NCKAP1L: variants seen among roughly 807,000 people sequenced by gnomAD.
NCKAP1L encodes nck-associated protein 1-like.
In NCKAP1L, 53 loss-of-function variants were observed where a neutral mutation model predicts 139.2. The observed-to-expected ratio is 0.38, with a 90% CI of 0.31 to 0.48. NCKAP1L has a LOEUF of 0.48. Ranked by LOEUF, NCKAP1L falls within the 20% of genes least tolerant of loss-of-function variation. The pLI, the probability that NCKAP1L is intolerant of heterozygous loss-of-function variation, is 0.98. For missense variants in NCKAP1L, 1,151 were observed against 1,381.9 expected (o/e 0.83, Z 2.65); for synonymous variants, 468 against 499.7 (o/e 0.94, Z 0.85).
chr12:54,522,125 C>A (rs970037985), intron 18 of NCKAP1L, among the ~76,000 whole-genome samples: 1 of 151,992 alleles, frequency 6.6e-6, no homozygotes, highest in African/African-American at 2.4e-5. Flanking sequence ...TTTTTGGGGA[C>A]CCAGAAGGAA....
intron 3 of NCKAP1L, among the ~76,000 whole-genome samples, chr12:54,501,173 T>A (rs1212850602): frequency 6.6e-6 from 1 of 152,222 alleles, no homozygotes; most frequent in African/African-American, 2.4e-5. Flanking sequence ...TGATTTTGAC[T>A]ATTCTAAGTA....
At chr12:54,511,661 C>T in intron 7 of NCKAP1L, 142 bp from the exon 8 acceptor site, 1 of 774,344 alleles carries the variant, frequency 1.3e-6, no homozygotes, top group Non-Finnish European at 2.1e-6. Flanking sequence ...CCTGCCCCTG[C>T]CTCCTAAAGT....
rs538648953 is a variant in NCKAP1L, at chr12:54,519,104, C to T, written c.1480-83C>T. 7 of 1,568,320 alleles carry T rather than the reference C, an allele frequency of 4.5e-6. No individual in the cohort carries two copies. In the East Asian group the frequency reaches 1.6e-4, roughly 35 times the overall value. On this transcript the variant is annotated intron_variant, in intron 15 of 30. Coordinates refer to ENST00000293373, the MANE Select transcript of NCKAP1L (RefSeq NM_005337.5). ...AAAACTGCTAATTGGACAAGACATA[C>T]TCAGGCCAAACTGTAATTCCAAGGC...
intron 27 of NCKAP1L, 71 bp from the exon 28 acceptor site, chr12:54,536,058 C>T: frequency 9.5e-7 from 1 of 1,052,286 alleles, no homozygotes; most frequent in South Asian, 1.3e-5. Flanking sequence ...TGAAGTAGGA[C>T]CCCTGTAACA....
chr12:54,506,802 T>A (rs1462411829), intron 3 of NCKAP1L, among the ~76,000 whole-genome samples: 40 of 118,320 alleles, frequency 3.4e-4, no homozygotes, highest in East Asian at 1.2e-3. Flanking sequence ...AAAAAATATA[T>A]ATATATATAT....
chr12:54,509,512 G>A (rs1424888889), intron 5 of NCKAP1L, among the ~76,000 whole-genome samples, 157 bp from the exon 6 acceptor site: 3 of 152,172 alleles, frequency 2.0e-5, no homozygotes. Context: ...ATCCTGGAGT[G>A]GGGTATCTTT....
At chr12:54,539,114 T>A in intron 30 of NCKAP1L, 141 bp downstream of exon 30, 1 of 666,902 alleles carries the variant, frequency 1.5e-6, no homozygotes, top group South Asian at 1.8e-5. Flanking sequence ...ACCCTCTGAA[T>A]GTAGTCCTCA....
In NCKAP1L at chr12:54,538,884, G is replaced by T. The variant is rs772212434; in HGVS notation, c.3184G>T (p.Val1062Leu). The T allele has an allele frequency of 4.3e-6, 7 of 1,613,674 alleles. No homozygotes were observed. In the East Asian group the frequency reaches 1.6e-4, roughly 36 times the overall value. ...IETHLKEFLV[V>L]ASVSLLQLGQ... Reference sequence around the variant, plus strand: ...TGCTTTACAAATTCTTCCCTTACAGGTGGCCTCTGTCAGCCTCTTGCAGCT... The same window carrying T: ...TGCTTTACAAATTCTTCCCTTACAGTTGGCCTCTGTCAGCCTCTTGCAGCT... The change falls in exon 30 of 31, where the codon GTG becomes TTG. Residue 1062 changes from valine (V) to leucine (L), a missense_variant and splice_region_variant. By Grantham distance (32) the Val-to-Leu change is conservative. Coordinates refer to ENST00000293373, the MANE Select transcript of NCKAP1L (RefSeq NM_005337.5).
rs17726723 is a variant in NCKAP1L at position 54,537,364 on chromosome 12, G to T, written c.3183+311G>T. ...TGAAGTGCCAAGATTTTGGGGCCAC[G>T]GTATTTTCATATATAAAACAGTGAG... On this transcript the variant is annotated intron_variant, in intron 29 of 30. Coordinates refer to ENST00000293373, the MANE Select transcript of NCKAP1L (RefSeq NM_005337.5). Among the ~76,000 whole-genome samples the T allele has an allele frequency of 9.6e-3, 1,460 of 152,222 alleles. 12 individuals are homozygous for T. Among genetic ancestry groups the T allele is most frequent in the Middle Eastern group, 0.037 (11 of 294 alleles).
intron 11 of NCKAP1L, 126 bp downstream of exon 11, chr12:54,517,118 C>T: frequency 1.3e-6 from 1 of 749,390 alleles, no homozygotes; most frequent in East Asian, 2.7e-5. Context: ...ATATGCGATT[C>T]CCTTGAACAT....
At chr12:54,522,092 C>T (rs566956758) in intron 18 of NCKAP1L, among the ~76,000 whole-genome samples, 12 of 152,110 alleles carry the variant, frequency 7.9e-5, no homozygotes, top group African/African-American at 2.7e-4. Context: ...TGGTACTTAC[C>T]GGGCACAAAG....
Position 54,545,491 on chromosome 12 carries a change from A to T in NCKAP1L, c.*2806A>T, listed in dbSNP as rs575769488. ...GGAGCAAATTGGAGAAGGTGAGGACATGATGGCCTTTACTACCGGAAGCAA... is the reference window on the plus strand; with the variant it reads ...GGAGCAAATTGGAGAAGGTGAGGACTTGATGGCCTTTACTACCGGAAGCAA... On this transcript the variant is annotated 3_prime_UTR_variant, in exon 31 of 31. Coordinates refer to ENST00000293373, the MANE Select transcript of NCKAP1L (RefSeq NM_005337.5). 1 of 152,250 alleles carries T rather than the reference A, an allele frequency of 6.6e-6. No homozygotes were observed. Among genetic ancestry groups the T allele is most frequent in the Non-Finnish European group, 1.5e-5 (1 of 68,048 alleles). 9.4% of individuals were successfully genotyped at this position (152,250 alleles called of 1,614,324 possible).
chr12:54,536,315 G>A, intron 28 of NCKAP1L, 70 bp downstream of exon 28: 2 of 1,105,644 alleles, frequency 1.8e-6, no homozygotes, highest in Non-Finnish European at 2.8e-6. Flanking sequence ...AGAGGAGACA[G>A]AGATACTGGA....
At position 54,535,786 on chromosome 12, in the gene NCKAP1L, T is replaced by C. The variant is rs573872871; in HGVS notation, c.2957-343T>C. Among the ~76,000 whole-genome samples, 5 of 152,346 alleles carry C rather than the reference T, an allele frequency of 3.3e-5. No homozygotes were observed. In the South Asian group the frequency reaches 8.3e-4, roughly 25 times the overall value. On this transcript the variant is annotated intron_variant, in intron 27 of 30. Coordinates refer to ENST00000293373, the MANE Select transcript of NCKAP1L (RefSeq NM_005337.5). ...CAGACTTACCCTTCTTCTTCTCTCA[T>C]GGTGGGTGAGAACCTTTTGTCTTCT...
At chr12:54,520,651 T>A (rs1956974359) in intron 16 of NCKAP1L, 43 bp from the exon 17 acceptor site, 24 of 1,610,476 alleles carry the variant, frequency 1.5e-5, no homozygotes, top group Non-Finnish European at 1.9e-5. Context: ...ACTTTACTAA[T>A]AAGGACTAAA....
intron 30 of NCKAP1L, among the ~76,000 whole-genome samples, chr12:54,541,644 T>G (rs1489231450): frequency 6.6e-6 from 1 of 152,234 alleles, no homozygotes; most frequent in Non-Finnish European, 1.5e-5. Flanking sequence ...TTACACATTT[T>G]AAAACTTGAA....
intron 21 of NCKAP1L, among the ~76,000 whole-genome samples, chr12:54,527,585 G>A (rs1201308501): frequency 6.6e-6 from 1 of 152,206 alleles, no homozygotes; most frequent in Non-Finnish European, 1.5e-5. Flanking sequence ...ATAGGTGCCA[G>A]AGAAGGTGAT....
chr12:54,542,489 G>A (rs1430591778), intron 30 of NCKAP1L, 86 bp from the exon 31 acceptor site: 3 of 964,888 alleles, frequency 3.1e-6, no homozygotes, highest in Non-Finnish European at 3.3e-6. Context: ...GGGCCTCAGA[G>A]GGCCTGGGAA....
chr12:54,512,936 T>C (rs565716223), intron 9 of NCKAP1L, among the ~76,000 whole-genome samples: 2 of 152,264 alleles, frequency 1.3e-5, no homozygotes, highest in Admixed American at 6.5e-5. Context: ...TTCTGAGAAG[T>C]TCATGTAGTT....
Sources: allele counts gnomAD v4.1 joint callset (sites outside exome capture counted in the v4.1 genomes callset), GRCh38; gene constraint gnomAD v4.1.1; transcripts MANE v1.5; gene names NCBI Gene and HGNC (gene_info 2026-07-23, HGNC 2026-07-21).